Variants in BTC observed in about 807,000 individuals in gnomAD.
BTC encodes betacellulin, also known as probetacellulin.
Under a neutral mutation model 18.1 loss-of-function variants are expected in BTC, and 13 were observed. The observed-to-expected ratio is 0.72, with a 90% CI of 0.47 to 1.14. The LOEUF is 1.14. BTC is among the 50% of genes most tolerant of loss of function. BTC has a pLI of 0.00. For missense variants in BTC, 247 were observed against 224.2 expected (o/e 1.10, Z -0.65); for synonymous variants, 83 against 79.4 (o/e 1.05, Z -0.24).
At chr4:74,768,330 TAAAAGTC>T (rs1157764082) in intron 2 of BTC, among the ~76,000 whole-genome samples, 1 of 152,114 alleles carries the variant, frequency 6.6e-6, no homozygotes, top group African/African-American at 2.4e-5. Context: ...CATTATTTCA[TAAAAGTC>T]AAAAGGTGGA....
chr4:74,774,374 A>G (rs1725123202), intron 1 of BTC, among the ~76,000 whole-genome samples: 1 of 152,220 alleles, frequency 6.6e-6, no homozygotes, highest in South Asian at 2.1e-4. Flanking sequence ...AAGAAGTTGC[A>G]TTATAAGGAA....
Position 74,794,455 on chromosome 4 carries a change from T to A in BTC, c.-130A>T. ...GGAGGCAGAAGGAAACGAAACTACT[T>A]CCCAGGCTGGCACCCTGGCTACAAG... On this transcript the variant is annotated 5_prime_UTR_variant, in exon 1 of 6. Coordinates refer to ENST00000395743, the MANE Select transcript of BTC (RefSeq NM_001729.4). 9.5e-7 allele frequency: 1 copy of A among 1,057,842 alleles called. No homozygotes were observed. Among genetic ancestry groups the A allele is most frequent in the Non-Finnish European group, 1.3e-6 (1 of 762,570 alleles). The allele number at this position is 1,057,842 out of a possible 1,614,324, so 65.5% of individuals were successfully genotyped here. A position where few individuals can be genotyped will look rare whatever the true frequency, so the allele number is the denominator to read the frequency against.
chr4:74,759,279 A>G (rs539477798), intron 2 of BTC, among the ~76,000 whole-genome samples: 1 of 152,354 alleles, frequency 6.6e-6, no homozygotes, highest in Non-Finnish European at 1.5e-5. Context: ...TCTGCTGTAA[A>G]GTGAATGACA....
chr4:74,765,089 C>A (rs1472316763), intron 2 of BTC, among the ~76,000 whole-genome samples: 1 of 88,974 alleles, frequency 1.1e-5, no homozygotes. Flanking sequence ...TTCTCTAATG[C>A]ACAGACACCA....
At position 74,750,633 on chromosome 4, in the gene BTC, C is replaced by T; in HGVS notation, c.368G>A (p.Cys123Tyr). 12 of 1,613,980 alleles carry T rather than the reference C, an allele frequency of 7.4e-6. No homozygotes were observed. The highest frequency in any genetic ancestry group is 1.0e-5 in the Non-Finnish European group (12 of 1,179,946). Residue 123 changes from cysteine (C) to tyrosine (Y), a missense_variant, in exon 4 of 6, where the codon TGT becomes TAT. Physicochemically the swap from Cys to Tyr is radical, Grantham distance 194 (BLOSUM62 -2). Transcript: ENST00000395743. ...RGDRGQILVI[C>Y]LIAVMVVFII... ...AAAAACTACCATAACTGCTATCAAACAAATCACCAGAATCTGTCCTCTGTC... is the reference window on the plus strand; with the variant it reads ...AAAAACTACCATAACTGCTATCAAATAAATCACCAGAATCTGTCCTCTGTC...
intron 1 of BTC, among the ~76,000 whole-genome samples, chr4:74,780,896 CTT>C (rs779129954): frequency 1.0e-5 from 1 of 98,952 alleles, no homozygotes; most frequent in Non-Finnish European, 1.8e-5. Flanking sequence ...CTGAGAGTTT[CTT>C]TTTTTTTTTT....
intron 1 of BTC, among the ~76,000 whole-genome samples, chr4:74,778,560 G>T (rs1200871963): frequency 1.3e-5 from 2 of 152,154 alleles, no homozygotes; most frequent in African/African-American, 4.8e-5. Flanking sequence ...TTACTAGTAT[G>T]TAGGCCACAT....
At chr4:74,775,084 G>A (rs551194031) in intron 1 of BTC, among the ~76,000 whole-genome samples, 1 of 152,282 alleles carries the variant, frequency 6.6e-6, no homozygotes, top group Non-Finnish European at 1.5e-5. Context: ...AAGGGAAACA[G>A]GTTGAGCATA....
intron 1 of BTC, among the ~76,000 whole-genome samples, chr4:74,791,183 A>C (rs1282747046): frequency 6.6e-6 from 1 of 152,084 alleles, no homozygotes; most frequent in Non-Finnish European, 1.5e-5. Context: ...CTCTTCAAAA[A>C]ATACAATAAT....
intron 2 of BTC, among the ~76,000 whole-genome samples, chr4:74,768,657 T>C (rs77548995): frequency 0.064 from 9,808 of 152,210 alleles, 407 homozygotes; most frequent in Admixed American, 0.12. Context: ...ATTAATAAAT[T>C]TGAAGAGATC....
At chr4:74,768,280 A>T (rs1247528635) in intron 2 of BTC, among the ~76,000 whole-genome samples, 1 of 152,196 alleles carries the variant, frequency 6.6e-6, no homozygotes, top group African/African-American at 2.4e-5. Context: ...ATAAAAATCA[A>T]GATCTCAATT....
chr4:74,769,217 G>T (rs1197672049), intron 2 of BTC, among the ~76,000 whole-genome samples: 4 of 152,064 alleles, frequency 2.6e-5, no homozygotes, highest in Non-Finnish European at 4.4e-5. Context: ...TTTTTAATTG[G>T]TCTGTGTTTT....
At chr4:74,770,702 T>C (rs1046495707) in intron 1 of BTC, among the ~76,000 whole-genome samples, 11 of 152,206 alleles carry the variant, frequency 7.2e-5, no homozygotes, top group African/African-American at 2.6e-4. Context: ...GAGAGAAGAA[T>C]GCCATGCTGT....
chr4:74,782,297 A>G (rs2109914273), intron 1 of BTC, among the ~76,000 whole-genome samples: 1 of 152,160 alleles, frequency 6.6e-6, no homozygotes, highest in African/African-American at 2.4e-5. Context: ...GTTGTTACCC[A>G]CTATGTGTCC....
At chr4:74,749,895 G>A (rs1469021343) in intron 4 of BTC, among the ~76,000 whole-genome samples, 1 of 135,536 alleles carries the variant, frequency 7.4e-6, no homozygotes, top group African/African-American at 2.8e-5. Flanking sequence ...AGGAGTTCAA[G>A]ACCAGCCTGG....
chr4:74,763,794 G>A (rs1377716995), intron 2 of BTC, among the ~76,000 whole-genome samples: 5 of 151,808 alleles, frequency 3.3e-5, no homozygotes, highest in Admixed American at 2.0e-4. Context: ...AACACTGTAG[G>A]GTAACTATAA....
Position 74,755,887 on chromosome 4 carries a change from C to G in BTC, c.253G>C (p.Val85Leu), listed in dbSNP as rs367987587. 4.3e-6 allele frequency: 7 copies of G among 1,614,004 alleles called. No individual in the cohort carries two copies. In the African/African-American group the frequency reaches 6.7e-5, roughly 15 times the overall value. The change falls in exon 3 of 6, where the codon GTG becomes CTG. Residue 85 changes from valine (V) to leucine (L), a missense_variant. Val to Leu is a conservative substitution (Grantham distance 32, BLOSUM62 1). Coordinates refer to ENST00000395743, the MANE Select transcript of BTC (RefSeq NM_001729.4). ...CAGGAGGGCGTCTGCTCGGCCACCA[C>G]GAAGCGGCATCTCCCTTTGATGCAG... Reference protein sequence around the residue: ...HYCIKGRCRFVVAEQTPSCVC... With the variant: ...HYCIKGRCRFLVAEQTPSCVC...
intron 2 of BTC, among the ~76,000 whole-genome samples, chr4:74,760,352 A>G (rs923049408): frequency 6.6e-6 from 1 of 152,222 alleles, no homozygotes; most frequent in African/African-American, 2.4e-5. Context: ...CCTCCCACAC[A>G]TATAGGAAGT....
intron 1 of BTC, among the ~76,000 whole-genome samples, chr4:74,784,365 C>T (rs1725421357): frequency 6.6e-6 from 1 of 151,984 alleles, no homozygotes; most frequent in African/African-American, 2.4e-5. Flanking sequence ...CATATAGGAT[C>T]CTGTCATCTG....
Sources: allele counts gnomAD v4.1 joint callset (sites outside exome capture counted in the v4.1 genomes callset), GRCh38; gene constraint gnomAD v4.1.1; transcripts MANE v1.5; gene names NCBI Gene and HGNC (gene_info 2026-07-23, HGNC 2026-07-21).